DPF3: variants seen among roughly 807,000 people sequenced by gnomAD.
DPF3 encodes zinc finger protein DPF3.
DPF3 carries 18 observed loss-of-function variants against 56.8 expected under a neutral mutation model. That is an observed-to-expected ratio of 0.32 (90% confidence interval 0.22 to 0.47). The LOEUF is 0.47. DPF3 is among the 20% of genes least tolerant of loss of function. The probability of loss-of-function intolerance (pLI) is 1.00; values close to 1 mark genes in which losing one functional copy is unlikely to be tolerated. For synonymous variants in DPF3, 188 were observed against 180.2 expected (o/e 1.04, Z -0.35); for missense variants, 403 against 488.8 (o/e 0.82, Z 1.65).
chr14:72,832,040 A>G (rs1884081452), intron 1 of DPF3, among the ~76,000 whole-genome samples: 1 of 152,126 alleles, frequency 6.6e-6, no homozygotes, highest in African/African-American at 2.4e-5. Flanking sequence ...CAACATAACA[A>G]GACCCCATCT....
intron 6 of DPF3, among the ~76,000 whole-genome samples, chr14:72,705,069 C>T (rs567422815): frequency 3.0e-4 from 45 of 152,180 alleles, no homozygotes; most frequent in Non-Finnish European, 5.0e-4. Context: ...GGTCCCCAAC[C>T]CCCCGGGCTA....
At chr14:72,744,641 C>T (rs936133612) in intron 3 of DPF3, among the ~76,000 whole-genome samples, 1 of 152,072 alleles carries the variant, frequency 6.6e-6, no homozygotes, top group African/African-American at 2.4e-5. Flanking sequence ...CCACTCTTTG[C>T]CCTGACCTGG....
intron 1 of DPF3, among the ~76,000 whole-genome samples, chr14:72,817,439 C>T (rs1231686539): frequency 1.3e-5 from 2 of 152,022 alleles, no homozygotes; most frequent in Non-Finnish European, 2.9e-5. Context: ...GGTGGATCAC[C>T]TGAGGTCAGA....
rs1365679706 is a variant in DPF3, at chr14:72,822,653, A to C, written c.33-50760T>G. Among the ~76,000 whole-genome samples the C allele has an allele frequency of 2.6e-5, 4 of 152,322 alleles. No individual in the cohort carries two copies. The East Asian group carries it at 7.7e-4, about 29-fold the overall frequency. On this transcript the variant is annotated intron_variant, in intron 1 of 10. Coordinates refer to ENST00000556509, the MANE Select transcript of DPF3 (RefSeq NM_001280542.3). ...CTCTCAATTACTTTCTGTAGTGTTTAAATTTTTTACCATATACAGGTTTTT... is the reference window on the plus strand; with the variant it reads ...CTCTCAATTACTTTCTGTAGTGTTTCAATTTTTTACCATATACAGGTTTTT...
At chr14:72,665,495 T>C (rs181034951) in intron 8 of DPF3, among the ~76,000 whole-genome samples, 27 of 152,348 alleles carry the variant, frequency 1.8e-4, no homozygotes, top group Admixed American at 1.0e-3. Context: ...TGTAATGCAC[T>C]GAGAAGGATA....
chr14:72,751,078 A>G (rs1890553430), intron 3 of DPF3, among the ~76,000 whole-genome samples: 1 of 152,088 alleles, frequency 6.6e-6, no homozygotes, highest in Non-Finnish European at 1.5e-5. Flanking sequence ...TAGTCCCCAC[A>G]CACTGAGGAG....
At chr14:72,717,041 C>T (rs17119969) in intron 5 of DPF3, among the ~76,000 whole-genome samples, 40,050 of 152,076 alleles carry the variant, frequency 0.26, 5,789 homozygotes, top group East Asian at 0.41. Flanking sequence ...CATAGGTTCA[C>T]GCATTCACAC....
intron 2 of DPF3, among the ~76,000 whole-genome samples, chr14:72,757,061 G>A (rs1169320328): frequency 5.5e-5 from 7 of 128,384 alleles, no homozygotes; most frequent in African/African-American, 2.2e-4. Flanking sequence ...GGGGGAGAAA[G>A]GGGGAGAGGA....
chr14:72,756,011 T>A (rs1165424948), intron 2 of DPF3, among the ~76,000 whole-genome samples: 1 of 152,144 alleles, frequency 6.6e-6, no homozygotes, highest in African/African-American at 2.4e-5. Context: ...TGTGCGTGCA[T>A]GTGCATGTGT....
chr14:72,856,882 C>T (rs894753338), intron 1 of DPF3, among the ~76,000 whole-genome samples: 1 of 152,196 alleles, frequency 6.6e-6, no homozygotes, highest in Non-Finnish European at 1.5e-5. Flanking sequence ...GCCTCCCCTG[C>T]GGGGGTATGA....
At chr14:72,880,199 T>TG (rs1886274688) in intron 1 of DPF3, among the ~76,000 whole-genome samples, 2 of 152,216 alleles carry the variant, frequency 1.3e-5, no homozygotes, top group Admixed American at 6.5e-5. Context: ...TGCCAGGCTC[T>TG]GGGCTAGACT....
intron 1 of DPF3, among the ~76,000 whole-genome samples, chr14:72,867,604 C>T (rs767168970): frequency 2.0e-4 from 30 of 152,218 alleles, no homozygotes; most frequent in Non-Finnish European, 3.8e-4. Context: ...AAGAGCATCA[C>T]ACTGCAAAGT....
chr14:72,652,332 A>C (rs917998926), intron 8 of DPF3, among the ~76,000 whole-genome samples: 1 of 152,054 alleles, frequency 6.6e-6, no homozygotes, highest in Middle Eastern at 3.4e-3. Context: ...TGGTGGGCTG[A>C]CTCATTTGGC....
chr14:72,825,386 G>C (rs1282825036), intron 1 of DPF3, among the ~76,000 whole-genome samples: 1 of 152,198 alleles, frequency 6.6e-6, no homozygotes, highest in Non-Finnish European at 1.5e-5. Flanking sequence ...TTTGATTCCT[G>C]CATCCATTCA....
At chr14:72,690,349 G>T (rs1887619461) in intron 7 of DPF3, among the ~76,000 whole-genome samples, 1 of 152,106 alleles carries the variant, frequency 6.6e-6, no homozygotes, top group African/African-American at 2.4e-5. Context: ...GGACCACAGG[G>T]ATCACTGGGG....
rs567432504 is a variant in DPF3 at position 72,614,709 on chromosome 14, G to A, written c.*4588C>T. Among the ~76,000 whole-genome samples, 9 of 146,848 alleles carry A rather than the reference G, an allele frequency of 6.1e-5. No individual in the cohort carries two copies. Among genetic ancestry groups the A allele is most frequent in the African/African-American group, 2.3e-4 (9 of 39,584 alleles). ...GGGAGCTGAATCAGTGTTCAGAACT[G>A]GGCAGAGGTTTGGCCTTTTTACAAA... On this transcript the variant is annotated 3_prime_UTR_variant, in exon 11 of 11. Coordinates refer to ENST00000556509, the MANE Select transcript of DPF3 (RefSeq NM_001280542.3).
At chr14:72,859,294 T>G (rs1885290849) in intron 1 of DPF3, among the ~76,000 whole-genome samples, 1 of 152,106 alleles carries the variant, frequency 6.6e-6, no homozygotes, top group Non-Finnish European at 1.5e-5. Flanking sequence ...AAATTTTCCA[T>G]ACTATACAGT....
At chr14:72,640,070 A>AAAAAAAAAAAAAAAAAAAAAAAAAAG (rs1885506039) in intron 8 of DPF3, among the ~76,000 whole-genome samples, 1 of 145,838 alleles carries the variant, frequency 6.9e-6, no homozygotes, top group Non-Finnish European at 1.5e-5. Context: ...AAAAAAAAAA[A>AAAAAAAAAAAAAAAAAAAAAAAAAAG]AAAAAAAAAA....
chr14:72,693,871 C>A (rs1412908398), intron 6 of DPF3, among the ~76,000 whole-genome samples: 1 of 152,206 alleles, frequency 6.6e-6, no homozygotes, highest in African/African-American at 2.4e-5. Flanking sequence ...TCTCACCCAG[C>A]GATTTTGTGC....
Sources: gnomAD v4.1 joint callset for allele counts (sites outside exome capture counted in the v4.1 genomes callset) on GRCh38, gnomAD v4.1.1 for gene constraint, MANE v1.5 for transcripts, NCBI Gene and HGNC (gene_info 2026-07-23, HGNC 2026-07-21) for gene names.